Variants in KITLG observed in about 807,000 individuals in gnomAD.
The protein encoded by KITLG is KIT ligand, also known as c-Kit ligand.
Under a neutral mutation model 34.1 loss-of-function variants are expected in KITLG, and 13 were observed. That is an observed-to-expected ratio of 0.38 (90% CI 0.25 to 0.61). KITLG has a LOEUF of 0.61. Ranked by LOEUF, KITLG falls within the 20% of genes least tolerant of loss-of-function variation. The pLI, the probability that KITLG is intolerant of heterozygous loss-of-function variation, is 0.60. For missense variants in KITLG, 292 were observed against 318.9 expected, an observed-to-expected ratio of 0.92 and a Z score of 0.64; for synonymous variants, 110 against 104.0, an observed-to-expected ratio of 1.06 and a Z score of -0.35.
chr12:88,579,291 C>T (rs955577942), intron 1 of KITLG, among the ~76,000 whole-genome samples: 2 of 152,186 alleles, frequency 1.3e-5, no homozygotes, highest in African/African-American at 4.8e-5. Context: ...CAATCTCCAA[C>T]AGAACCTCTG....
chr12:88,580,436 G>A lies in KITLG; in HGVS notation c.-158C>T. On this transcript the variant is annotated 5_prime_UTR_variant, in exon 1 of 10. Transcript: ENST00000644744. ...CTCTCCACTGTCCCTGCTTCCCGCA[G>A]CGCTTCTAGTCTCGGCGCGAGGCGG... is the stretch of plus-strand genomic sequence containing the variant. 4.4e-6 allele frequency: 4 copies of A among 899,996 alleles called. No individual in the cohort carries two copies. The highest frequency in any genetic ancestry group is 7.1e-6 in the Non-Finnish European group (4 of 567,312). The allele number at this position is 899,996 out of a possible 1,614,324, so 55.8% of individuals were successfully genotyped here.
chr12:88,554,060 G>C (rs1031921811), intron 1 of KITLG, among the ~76,000 whole-genome samples: 1 of 152,132 alleles, frequency 6.6e-6, no homozygotes, highest in African/African-American at 2.4e-5. Flanking sequence ...TTTCCTTACA[G>C]TAAAAGGCCA....
chr12:88,561,672 C>A (rs186095652), intron 1 of KITLG, among the ~76,000 whole-genome samples: 78 of 152,360 alleles, frequency 5.1e-4, no homozygotes, highest in African/African-American at 1.8e-3. Context: ...AACTCCTAAT[C>A]AAGGCCTACA....
At chr12:88,545,254 C>A (rs1870679201) in intron 2 of KITLG, among the ~76,000 whole-genome samples, 1 of 152,318 alleles carries the variant, frequency 6.6e-6, no homozygotes, top group East Asian at 1.9e-4. Context: ...CAATGAATCA[C>A]CTCTCTATGT....
chr12:88,524,931 G>C (rs1353823017), intron 3 of KITLG, among the ~76,000 whole-genome samples: 1 of 152,080 alleles, frequency 6.6e-6, no homozygotes, highest in Non-Finnish European at 1.5e-5. Flanking sequence ...CATAGGAGTG[G>C]AGCCTCAGAA....
At chr12:88,537,738 C>A (rs1263325378) in intron 2 of KITLG, among the ~76,000 whole-genome samples, 1 of 151,858 alleles carries the variant, frequency 6.6e-6, no homozygotes, top group Admixed American at 6.6e-5. Flanking sequence ...AAATATTCAA[C>A]CCCGTAGTAT....
rs1161164736 is a variant in KITLG at position 88,512,792 on chromosome 12, G to C, written c.604+2742C>G. 2.0e-5 allele frequency among the ~76,000 whole-genome samples: 3 copies of C among 151,474 alleles called. No homozygotes were observed. The East Asian group carries it at 5.8e-4, about 29-fold the overall frequency. On this transcript the variant is annotated intron_variant, in intron 6 of 9. Transcript: ENST00000644744. ...CTGTGTACCCAGACTTCAATATCTA[G>C]TAAAAAGTACCTGCTACATGGAAGA...
chr12:88,566,341 TATCA>T (rs1291148209), intron 1 of KITLG, among the ~76,000 whole-genome samples: 3 of 152,248 alleles, frequency 2.0e-5, no homozygotes, highest in Non-Finnish European at 4.4e-5. Context: ...AGAAAACCTT[TATCA>T]ATATTTTGGC....
chr12:88,507,781 T>G (rs767620369), intron 6 of KITLG, among the ~76,000 whole-genome samples: 5 of 152,144 alleles, frequency 3.3e-5, no homozygotes, highest in Non-Finnish European at 7.3e-5. Context: ...AAGGCACTAG[T>G]GTTGTCCCAT....
At chr12:88,534,540 T>C (rs1870233445) in intron 2 of KITLG, 2 of 375,948 alleles carry the variant, frequency 5.3e-6, no homozygotes, top group Non-Finnish European at 1.0e-5. Context: ...CTAATTTTTG[T>C]ATTTTTAGCA....
At chr12:88,498,633 G>C (rs1868732685) in intron 9 of KITLG, among the ~76,000 whole-genome samples, 1 of 152,194 alleles carries the variant, frequency 6.6e-6, no homozygotes, top group South Asian at 2.1e-4. Context: ...CCAGCACTTT[G>C]AGAGGCTGAG....
intron 1 of KITLG, among the ~76,000 whole-genome samples, chr12:88,549,006 A>C (rs1362448965): frequency 6.6e-6 from 1 of 152,222 alleles, no homozygotes; most frequent in Non-Finnish European, 1.5e-5. Flanking sequence ...ACAAAATTTC[A>C]CCAAAGATTG....
intron 1 of KITLG, among the ~76,000 whole-genome samples, chr12:88,547,871 T>A (rs540725948): frequency 6.6e-6 from 1 of 152,364 alleles, no homozygotes; most frequent in African/African-American, 2.4e-5. Flanking sequence ...ATCTGGTGTA[T>A]ACCAGGCATT....
At chr12:88,565,274 G>C (rs1295425752) in intron 1 of KITLG, among the ~76,000 whole-genome samples, 2 of 152,148 alleles carry the variant, frequency 1.3e-5, no homozygotes, top group Non-Finnish European at 2.9e-5. Context: ...GTGTGGGTGA[G>C]CTGGGAAGGA....
chr12:88,529,928 T>A (rs150074646), intron 3 of KITLG, among the ~76,000 whole-genome samples: 1 of 152,306 alleles, frequency 6.6e-6, no homozygotes, highest in East Asian at 1.9e-4. Flanking sequence ...CCAGAATCAA[T>A]AGTAGATTTT....
chr12:88,568,272 T>C (rs919419274), intron 1 of KITLG, among the ~76,000 whole-genome samples: 1 of 149,194 alleles, frequency 6.7e-6, no homozygotes, highest in Non-Finnish European at 1.5e-5. Flanking sequence ...AATTTCCACA[T>C]ATTATCTCAT....
intron 3 of KITLG, among the ~76,000 whole-genome samples, chr12:88,522,531 G>C (rs147242109): frequency 0.047 from 7,026 of 149,710 alleles, 488 homozygotes; most frequent in African/African-American, 0.15. Context: ...GGGTTCAAGC[G>C]ATTCTCCTGC....
intron 1 of KITLG, among the ~76,000 whole-genome samples, chr12:88,574,412 G>A (rs1163391187): frequency 6.6e-6 from 1 of 152,182 alleles, no homozygotes; most frequent in Non-Finnish European, 1.5e-5. Context: ...CCAGACAAAA[G>A]CCAGCCAAGG....
At chr12:88,562,642 G>A (rs770469228) in intron 1 of KITLG, among the ~76,000 whole-genome samples, 4 of 152,152 alleles carry the variant, frequency 2.6e-5, no homozygotes, top group Admixed American at 1.3e-4. Flanking sequence ...AAATAGTGAC[G>A]ATTAGCTAAA....
Sources: gnomAD v4.1 joint callset for allele counts (sites outside exome capture counted in the v4.1 genomes callset) on GRCh38, gnomAD v4.1.1 for gene constraint, MANE v1.5 for transcripts, NCBI Gene and HGNC (gene_info 2026-07-23, HGNC 2026-07-21) for gene names.